The following STIM1 variants were observed in gnomAD, a reference collection of about 807,000 sequenced individuals.
STIM1 encodes the protein stromal interaction molecule 1.
Under a neutral mutation model 74.7 loss-of-function variants are expected in STIM1, and 25 were observed. The ratio of observed to expected loss-of-function variants is 0.33; its 90% CI spans 0.24 to 0.47. The LOEUF is 0.47. Among genes scored for constraint, STIM1 ranks in the 20% least tolerant of loss-of-function variants. The pLI, the probability that STIM1 is intolerant of heterozygous loss-of-function variation, is 1.00. For missense variants in STIM1, 728 were observed against 920.8 expected (o/e 0.79, Z 2.71); for synonymous variants, 328 against 348.8 (o/e 0.94, Z 0.66).
intron 2 of STIM1, among the ~76,000 whole-genome samples, chr11:3,994,523 C>G (rs2093645111): frequency 6.7e-6 from 1 of 149,100 alleles, no homozygotes; most frequent in Admixed American, 6.7e-5. Context: ...TACAGTGGCA[C>G]AATCTCAGCT....
intron 12 of STIM1, among the ~76,000 whole-genome samples, chr11:4,090,323 G>A (rs1486278132): frequency 6.6e-6 from 1 of 152,182 alleles, no homozygotes; most frequent in Non-Finnish European, 1.5e-5. Context: ...TCACACAGGA[G>A]TCCAGACCTC....
At chr11:3,914,510 C>T (rs2092613122) in intron 1 of STIM1, among the ~76,000 whole-genome samples, 1 of 152,178 alleles carries the variant, frequency 6.6e-6, no homozygotes, top group Non-Finnish European at 1.5e-5. Context: ...GGCGCAGTCT[C>T]AGCTCACTGC....
In STIM1 at chr11:3,932,577, G is replaced by A. The variant is rs552530853; in HGVS notation, c.140-34975G>A. Among the ~76,000 whole-genome samples the A allele has an allele frequency of 7.3e-5, 11 of 151,340 alleles. No homozygotes were observed. The South Asian group carries it at 1.0e-3, about 14-fold the overall frequency. On this transcript the variant is annotated intron_variant, in intron 1 of 12. Coordinates refer to ENST00000526596, the MANE Select transcript of STIM1 (RefSeq NM_001382567.1). ...CTTGGGAGTCTGAGGCAGGAGAATG[G>A]CATGAATCCAGGAGGTGGAGCTTGC...
At chr11:3,913,645 G>T (rs909778165) in intron 1 of STIM1, among the ~76,000 whole-genome samples, 1 of 152,182 alleles carries the variant, frequency 6.6e-6, no homozygotes, top group Admixed American at 6.5e-5. Flanking sequence ...TTATTGAGGT[G>T]AAATTCATAG....
intron 1 of STIM1, among the ~76,000 whole-genome samples, chr11:3,905,552 A>G (rs2092452067): frequency 6.6e-6 from 1 of 152,128 alleles, no homozygotes; most frequent in Non-Finnish European, 1.5e-5. Flanking sequence ...AGCATGGGGC[A>G]GACAAGGGAG....
chr11:3,924,677 A>G (rs1459445955), intron 1 of STIM1, among the ~76,000 whole-genome samples: 5 of 152,228 alleles, frequency 3.3e-5, no homozygotes, highest in Admixed American at 3.3e-4. Context: ...TTGCTTATGA[A>G]CAATTCAGGA....
intron 2 of STIM1, among the ~76,000 whole-genome samples, chr11:4,008,418 G>T (rs1197102896): frequency 1.3e-5 from 2 of 152,022 alleles, no homozygotes; most frequent in East Asian, 1.9e-4. Context: ...ATAAACAAGG[G>T]TTAAGTTCCT....
intron 2 of STIM1, among the ~76,000 whole-genome samples, chr11:3,994,932 CT>C (rs1330717912): frequency 1.3e-5 from 2 of 152,176 alleles, no homozygotes; most frequent in East Asian, 1.9e-4. Flanking sequence ...TATTTAGCCC[CT>C]GTCCTAATTT....
At chr11:4,072,064 A>G (rs940573787) in intron 6 of STIM1, among the ~76,000 whole-genome samples, 1 of 152,124 alleles carries the variant, frequency 6.6e-6, no homozygotes, top group Non-Finnish European at 1.5e-5. Flanking sequence ...AAAAACATGT[A>G]CTGTTTCCAT....
At chr11:3,904,126 G>A (rs1421796603) in intron 1 of STIM1, among the ~76,000 whole-genome samples, 1 of 148,380 alleles carries the variant, frequency 6.7e-6, no homozygotes, top group Admixed American at 6.8e-5. Context: ...GAACCCGGGA[G>A]GCAGAGGTTG....
chr11:4,013,950 G>T (rs1024199218), intron 2 of STIM1, among the ~76,000 whole-genome samples: 1 of 151,630 alleles, frequency 6.6e-6, no homozygotes, highest in Non-Finnish European at 1.5e-5. Flanking sequence ...CTCGTGATCC[G>T]CCCGTGTTGG....
At chr11:3,967,828 C>A in intron 2 of STIM1, 146 bp downstream of exon 2, 1 of 1,209,754 alleles carries the variant, frequency 8.3e-7, no homozygotes, top group Non-Finnish European at 1.2e-6. Flanking sequence ...AAGATGGCTC[C>A]CAGAAGAGCA....
At chr11:4,080,578 C>T (rs552839425) in intron 7 of STIM1, among the ~76,000 whole-genome samples, 1 of 151,444 alleles carries the variant, frequency 6.6e-6, no homozygotes, top group South Asian at 2.1e-4. Context: ...GCGATCCTCC[C>T]ACCTCAGCCT....
chr11:3,941,009 CTCAG>C (rs2092998036), intron 1 of STIM1, among the ~76,000 whole-genome samples: 1 of 152,138 alleles, frequency 6.6e-6, no homozygotes, highest in African/African-American at 2.4e-5. Context: ...TTCTCTGTGC[CTCAG>C]TTTCTTGAGC....
At chr11:4,037,951 A>G (rs1404753647) in intron 3 of STIM1, among the ~76,000 whole-genome samples, 3 of 148,836 alleles carry the variant, frequency 2.0e-5, no homozygotes, top group Non-Finnish European at 4.5e-5. Context: ...ATTCAATTGT[A>G]TTTTCTTTGT....
Position 3,961,515 on chromosome 11 carries a change from TA to T in STIM1, c.140-6036del, listed in dbSNP as rs753596451. On this transcript the variant is annotated intron_variant, in intron 1 of 12. Transcript: ENST00000526596. ...TGATGAGTATATATATATATACATA[TA>T]TTTTTTTTTTGAGACAGAGTCTTGC... The T allele has an allele frequency of 3.0e-3, 261 of 88,224 alleles. 11 individuals are homozygous for T. Among genetic ancestry groups the T allele is most frequent in the African/African-American group, 6.7e-3 (236 of 35,286 alleles). The allele number at this position is 88,224 out of a possible 1,614,324, so 5.5% of individuals were successfully genotyped here.
chr11:4,051,025 G>A (rs927878884), intron 3 of STIM1, among the ~76,000 whole-genome samples: 2 of 151,940 alleles, frequency 1.3e-5, no homozygotes, highest in Admixed American at 6.6e-5. Flanking sequence ...GGGTGGCAGA[G>A]GCAGAAAAGA....
intron 1 of STIM1, among the ~76,000 whole-genome samples, chr11:3,916,690 G>A (rs1014924600): frequency 6.6e-6 from 1 of 152,146 alleles, no homozygotes; most frequent in African/African-American, 2.4e-5. Context: ...GACCTCAGGT[G>A]ATCTGCCTGC....
intron 10 of STIM1, among the ~76,000 whole-genome samples, 153 bp from the exon 11 acceptor site, chr11:4,084,520 A>T (rs1359853637): frequency 6.6e-6 from 1 of 152,162 alleles, no homozygotes. Context: ...TGCTGATCTG[A>T]AGGCTTCTGT....
Sources: gnomAD v4.1 joint callset for allele counts (sites outside exome capture counted in the v4.1 genomes callset) on GRCh38, gnomAD v4.1.1 for gene constraint, MANE v1.5 for transcripts, NCBI Gene and HGNC (gene_info 2026-07-23, HGNC 2026-07-21) for gene names.